NIBAN1: variants seen among roughly 807,000 people sequenced by gnomAD.
The protein encoded by NIBAN1 is niban apoptosis regulator 1, also known as protein Niban 1.
Under a neutral mutation model 75.1 loss-of-function variants are expected in NIBAN1, and 81 were observed. The ratio of observed to expected loss-of-function variants is 1.08; its 90% CI spans 0.90 to 1.30. NIBAN1 has a LOEUF of 1.30. NIBAN1 is among the 50% of genes most tolerant of loss of function. NIBAN1 has a pLI of 0.00. For missense variants in NIBAN1, 1,133 were observed against 1,128.1 expected (o/e 1.00, Z -0.06); for synonymous variants, 436 against 424.8 (o/e 1.03, Z -0.32).
At chr1:184,911,235 G>A (rs1420834670) in intron 1 of NIBAN1, among the ~76,000 whole-genome samples, 4 of 152,026 alleles carry the variant, frequency 2.6e-5, no homozygotes, top group African/African-American at 7.2e-5. Context: ...ACAATTAAAA[G>A]CAATGCAAAT....
chr1:184,829,495 T>C (rs533853), intron 6 of NIBAN1, among the ~76,000 whole-genome samples: 108,308 of 139,344 alleles, frequency 0.78, 42,849 homozygotes, highest in African/African-American at 0.91. Flanking sequence ...GAGATGGAGT[T>C]TCATACTGTC....
intron 7 of NIBAN1, 103 bp from the exon 8 acceptor site, chr1:184,823,432 G>A (rs904273320): frequency 5.6e-6 from 8 of 1,424,196 alleles, no homozygotes; most frequent in Non-Finnish European, 7.7e-6. Context: ...ATAACAAACA[G>A]AACTGCACAC....
intron 1 of NIBAN1, among the ~76,000 whole-genome samples, chr1:184,921,043 C>A (rs561862024): frequency 6.6e-6 from 1 of 151,136 alleles, no homozygotes; most frequent in Non-Finnish European, 1.5e-5. Flanking sequence ...GCAGGAGAAT[C>A]GCTTGAATCA....
intron 1 of NIBAN1, among the ~76,000 whole-genome samples, chr1:184,903,818 C>T (rs1374167052): frequency 6.8e-6 from 1 of 147,392 alleles, no homozygotes; most frequent in African/African-American, 2.5e-5. Context: ...CTCACTGCAG[C>T]CTTGACCTCC....
chr1:184,904,532 T>C (rs1657040441), intron 1 of NIBAN1, among the ~76,000 whole-genome samples: 1 of 152,190 alleles, frequency 6.6e-6, no homozygotes. Flanking sequence ...ACTCCTTCTC[T>C]CCCATTCCCA....
In NIBAN1 at chr1:184,831,959, T is replaced by C. The variant is rs766767011; in HGVS notation, c.605A>G (p.Tyr202Cys). 1.9e-6 allele frequency: 3 copies of C among 1,611,374 alleles called. No homozygotes were observed. The East Asian group carries it at 6.7e-5, about 36-fold the overall frequency. The stretch of plus-strand genomic sequence containing the variant: ...GGCTTCAAATGTCATCTGCTTCATG[T>C]AATCTAAAGAAAAGAAGAAAGGGCA... The part of the protein sequence containing the change: ...SDCVRHLNHD[Y>C]MKQMTFEAQA... Residue 202 changes from tyrosine to cysteine, a missense_variant, in exon 6 of 14, where the codon TAC becomes TGC. Physicochemically the swap from Tyr to Cys is radical, Grantham distance 194. Coordinates refer to ENST00000367511, the MANE Select transcript of NIBAN1 (RefSeq NM_052966.4).
chr1:184,947,079 G>GAAAAAAACAAAAAAA, intron 1 of NIBAN1, among the ~76,000 whole-genome samples: 1 of 150,566 alleles, frequency 6.6e-6, no homozygotes, highest in South Asian at 2.1e-4. Flanking sequence ...ATCTCAAAAA[G>GAAAAAAACAAAAAAA]AAAAGAAAAG....
chr1:184,970,014 A>G (rs1452033890), intron 1 of NIBAN1, among the ~76,000 whole-genome samples: 1 of 151,854 alleles, frequency 6.6e-6, no homozygotes, highest in Admixed American at 6.6e-5. Flanking sequence ...AAAAAATACA[A>G]AAAAACTACC....
chr1:184,823,581 G>C lies in NIBAN1; in HGVS notation c.822+57C>G. 4 of 1,569,832 alleles carry C rather than the reference G, an allele frequency of 2.5e-6. No individual in the cohort carries two copies. The South Asian group carries it at 3.3e-5, about 13-fold the overall frequency. ...CAACAACAAATGCCCTAAAAGAAAA[G>C]GGAAGAGAATGTTCCCATTTTGAGT... is the stretch of plus-strand genomic sequence containing the variant. On this transcript the variant is annotated intron_variant, in intron 7 of 13. Transcript: ENST00000367511.
intron 6 of NIBAN1, among the ~76,000 whole-genome samples, chr1:184,829,461 ATT>A (rs1654935792): frequency 4.8e-5 from 4 of 84,074 alleles, no homozygotes; most frequent in Non-Finnish European, 5.5e-5. Flanking sequence ...AAATACATAT[ATT>A]CTTTTTTTTT....
At chr1:184,873,974 A>G (rs986619353) in intron 5 of NIBAN1, among the ~76,000 whole-genome samples, 11 of 152,302 alleles carry the variant, frequency 7.2e-5, no homozygotes, top group African/African-American at 2.6e-4. Flanking sequence ...GAAAAATGTA[A>G]TTAAAGTTTA....
intron 2 of NIBAN1, among the ~76,000 whole-genome samples, chr1:184,894,985 A>G (rs996404253): frequency 6.6e-6 from 1 of 152,178 alleles, no homozygotes; most frequent in Admixed American, 6.5e-5. Flanking sequence ...TTTCTTTTAC[A>G]TGTCACTGAG....
chr1:184,825,099 C>T lies in NIBAN1; in HGVS notation c.718-1357G>A, dbSNP rs1006108805. ...CTTCCAGTGACCCCTATTGAGAGGGCAGCTCTCAAAACAACAGCAGTTCCT... is the reference window on the plus strand; with the variant it reads ...CTTCCAGTGACCCCTATTGAGAGGGTAGCTCTCAAAACAACAGCAGTTCCT... On this transcript the variant is annotated intron_variant, in intron 6 of 13. Transcript: ENST00000367511. Among the ~76,000 whole-genome samples the T allele has an allele frequency of 3.9e-5, 6 of 152,324 alleles. No homozygotes were observed. In the South Asian group the frequency reaches 1.0e-3, roughly 26 times the overall value.
intron 5 of NIBAN1, among the ~76,000 whole-genome samples, chr1:184,833,928 A>T (rs1190989840): frequency 6.6e-6 from 1 of 151,138 alleles, no homozygotes; most frequent in African/African-American, 2.4e-5. Flanking sequence ...TTACATAGGT[A>T]TACATGTGCC....
intron 8 of NIBAN1, among the ~76,000 whole-genome samples, chr1:184,822,336 C>A (rs1654725324): frequency 1.3e-5 from 2 of 152,166 alleles, no homozygotes; most frequent in Admixed American, 1.3e-4. Flanking sequence ...TGGGAATAGG[C>A]AAACTGTTTT....
intron 5 of NIBAN1, among the ~76,000 whole-genome samples, chr1:184,861,809 GAGA>G (rs540626192): frequency 5.3e-5 from 8 of 151,312 alleles, no homozygotes; most frequent in South Asian, 2.1e-4. Context: ...GAAGAAGAGA[GAGA>G]AGGAGGGAGG....
chr1:184,833,110 A>T (rs1441399517), intron 5 of NIBAN1, among the ~76,000 whole-genome samples: 1 of 151,878 alleles, frequency 6.6e-6, no homozygotes, highest in Non-Finnish European at 1.5e-5. Context: ...GGTGATTTGG[A>T]GGCAGCTGAT....
At chr1:184,802,187 T>C (rs1029655912) in intron 12 of NIBAN1, among the ~76,000 whole-genome samples, 4 of 152,374 alleles carry the variant, frequency 2.6e-5, no homozygotes, top group African/African-American at 9.6e-5. Context: ...GATGCTGATA[T>C]AATATCCTCC....
intron 5 of NIBAN1, among the ~76,000 whole-genome samples, chr1:184,840,015 C>A (rs577163361): frequency 1.4e-4 from 22 of 152,100 alleles, no homozygotes; most frequent in Admixed American, 2.6e-4. Context: ...TTTCATTTTA[C>A]AATTGAACAG....
Sources: gnomAD v4.1 joint callset for allele counts (sites outside exome capture counted in the v4.1 genomes callset) on GRCh38, gnomAD v4.1.1 for gene constraint, MANE v1.5 for transcripts, NCBI Gene and HGNC (gene_info 2026-07-23, HGNC 2026-07-21) for gene names.